Variants in RAB3GAP1 observed in about 807,000 individuals in gnomAD.
RAB3GAP1 encodes the protein rab3 GTPase-activating protein catalytic subunit.
A neutral mutation model predicts 130.7 loss-of-function variants in RAB3GAP1; 86 were observed. The observed-to-expected ratio is 0.66, with a 90% CI of 0.55 to 0.79. The LOEUF is 0.79. RAB3GAP1 is among the 30% of genes least tolerant of loss of function. RAB3GAP1 has a pLI of 0.00. For missense variants in RAB3GAP1, 1,029 were observed against 1,169.4 expected, an observed-to-expected ratio of 0.88 and a Z score of 1.75; for synonymous variants, 367 against 401.7, an observed-to-expected ratio of 0.91 and a Z score of 1.03.
At chr2:135,114,205 A>G (rs1179939608) in intron 6 of RAB3GAP1, among the ~76,000 whole-genome samples, 1 of 152,198 alleles carries the variant, frequency 6.6e-6, no homozygotes, top group Non-Finnish European at 1.5e-5. Context: ...AATTCAATGT[A>G]TATCTGGAAT....
intron 11 of RAB3GAP1, among the ~76,000 whole-genome samples, chr2:135,129,451 C>CA (rs1192375753): frequency 1.4e-3 from 121 of 87,596 alleles, no homozygotes; most frequent in South Asian, 0.011. Flanking sequence ...GACTCTGTCT[C>CA]AAAAAAAAAA....
intron 7 of RAB3GAP1, among the ~76,000 whole-genome samples, chr2:135,116,043 A>T (rs771509559): frequency 2.0e-5 from 3 of 152,150 alleles, no homozygotes; most frequent in Non-Finnish European, 4.4e-5. Flanking sequence ...AGTGGAAGGG[A>T]TCCTCTACTT....
chr2:135,133,034 T>C (rs776334674), intron 14 of RAB3GAP1, 50 bp downstream of exon 14: 5 of 1,076,350 alleles, frequency 4.6e-6, no homozygotes, highest in Non-Finnish European at 7.2e-6. Flanking sequence ...GCACTGAATT[T>C]CTAGAGGTTC....
intron 5 of RAB3GAP1, among the ~76,000 whole-genome samples, chr2:135,097,137 C>T: frequency 6.6e-6 from 1 of 151,580 alleles, no homozygotes; most frequent in Non-Finnish European, 1.5e-5. Context: ...AGTTCTATAA[C>T]ACCCCCTCAC....
chr2:135,100,312 G>A (rs1265227308), intron 5 of RAB3GAP1, among the ~76,000 whole-genome samples: 2 of 152,174 alleles, frequency 1.3e-5, no homozygotes, highest in Non-Finnish European at 2.9e-5. Context: ...AGCAGTAAAA[G>A]GCTTACCCTA....
intron 19 of RAB3GAP1, 100 bp downstream of exon 19, chr2:135,153,976 G>T: frequency 9.0e-7 from 1 of 1,113,792 alleles, no homozygotes; most frequent in Non-Finnish European, 1.3e-6. Context: ...CACACTTGAG[G>T]TGCAAAGCAT....
At chr2:135,082,565 C>T (rs1689857984) in intron 3 of RAB3GAP1, among the ~76,000 whole-genome samples, 1 of 151,864 alleles carries the variant, frequency 6.6e-6, no homozygotes, top group Non-Finnish European at 1.5e-5. Context: ...CTCAGCCTTC[C>T]AAGTTGCTGG....
At chr2:135,174,840 T>G (rs572819767), downstream of RAB3GAP1, among the ~76,000 whole-genome samples, 34 of 152,298 alleles carry the variant, frequency 2.2e-4, no homozygotes, top group South Asian at 6.2e-3. Flanking sequence ...AGTGCGACGG[T>G]GGGAGGCCCA....
intron 5 of RAB3GAP1, among the ~76,000 whole-genome samples, chr2:135,112,160 C>T (rs939133321): frequency 8.5e-5 from 13 of 152,132 alleles, no homozygotes; most frequent in African/African-American, 2.9e-4. Context: ...CTCAGCAGGA[C>T]GCAAGCTTGT....
intron 19 of RAB3GAP1, among the ~76,000 whole-genome samples, chr2:135,154,388 A>G (rs1692253899): frequency 6.6e-6 from 1 of 152,162 alleles, no homozygotes; most frequent in Non-Finnish European, 1.5e-5. Context: ...CTGATATTTA[A>G]TTGCCCTGCA....
At chr2:135,135,154 G>C (rs1175200202) in intron 15 of RAB3GAP1, 111 bp from the exon 16 acceptor site, 4 of 870,234 alleles carry the variant, frequency 4.6e-6, no homozygotes, top group African/African-American at 1.7e-5. Context: ...TGGAAATCTA[G>C]TTTTGATTTC....
At chr2:135,081,327 A>AAAAAATATAT (rs1363481112) in intron 3 of RAB3GAP1, among the ~76,000 whole-genome samples, 12 of 64,048 alleles carry the variant, frequency 1.9e-4, no homozygotes, top group East Asian at 1.1e-3. Flanking sequence ...AAAAAAAAAA[A>AAAAAATATAT]ATATATATAT....
chr2:135,136,814 A>G lies in RAB3GAP1; in HGVS notation c.1923+882A>G, dbSNP rs1380864131. The G allele has an allele frequency of 4.3e-6, 3 of 697,454 alleles. No homozygotes were observed. In the East Asian group the frequency reaches 2.0e-4, roughly 45 times the overall value. 43.2% of individuals were successfully genotyped at this position (697,454 alleles called of 1,614,324 possible). ...TGATAGCCATAAAGGTTGGTCCCAG[A>G]CCAGGCACAATGGCTCAAGCCTGCA... On this transcript the variant is annotated intron_variant, in intron 17 of 23. Coordinates refer to ENST00000264158, the MANE Select transcript of RAB3GAP1 (RefSeq NM_012233.3).
In RAB3GAP1 at chr2:135,052,319, C is replaced by T. The variant is rs760094551; in HGVS notation, c.12C>T (p.Asp4=). 6.2e-7 allele frequency: 1 copy of T among 1,613,982 alleles called. No individual in the cohort carries two copies. Among genetic ancestry groups the T allele is most frequent in the South Asian group, 1.1e-5 (1 of 91,074 alleles). Reference sequence around the variant, plus strand: ...CGGCGCTCCTCAAGATGGCTGCCGACAGTGAGGTGATTTCTTTGCTCCCTA... The same window carrying T: ...CGGCGCTCCTCAAGATGGCTGCCGATAGTGAGGTGATTTCTTTGCTCCCTA... MAA[D]SEPESEVFEI... is the part of the protein sequence containing the mutation. Residue 4 remains aspartate, a synonymous_variant, in exon 1 of 24, where the codon GAC becomes GAT. Coordinates refer to ENST00000264158, the MANE Select transcript of RAB3GAP1 (RefSeq NM_012233.3).
chr2:135,117,943 C>G (rs1305394968), intron 7 of RAB3GAP1, among the ~76,000 whole-genome samples: 1 of 151,982 alleles, frequency 6.6e-6, no homozygotes, highest in Non-Finnish European at 1.5e-5. Context: ...GCCTCGACCT[C>G]CTGGGGTCAC....
chr2:135,153,602 CTG>C (rs762027505), intron 18 of RAB3GAP1, 45 bp from the exon 19 acceptor site: 7 of 1,554,594 alleles, frequency 4.5e-6, no homozygotes, highest in South Asian at 1.1e-5. Flanking sequence ...TTATCAGTAA[CTG>C]TTGATTTTCA....
downstream of RAB3GAP1, among the ~76,000 whole-genome samples, chr2:135,174,946 A>T (rs1692966136): frequency 6.6e-6 from 1 of 152,194 alleles, no homozygotes; most frequent in Non-Finnish European, 1.5e-5. Context: ...GCCCTGTCCC[A>T]GTGGCAAGTG....
intron 17 of RAB3GAP1, among the ~76,000 whole-genome samples, chr2:135,146,971 A>AAC (rs34094441): frequency 0.18 from 27,096 of 147,400 alleles, 3,105 homozygotes; most frequent in South Asian, 0.32. Context: ...AGGGGGTATA[A>AAC]ACACACACAC....
At position 135,132,987 on chromosome 2, in the gene RAB3GAP1, A is replaced by C. The variant is rs1394587368; in HGVS notation, c.1326+3A>C. 2 of 1,502,234 alleles carry C rather than the reference A, an allele frequency of 1.3e-6. No homozygotes were observed. The highest frequency in any genetic ancestry group is 1.9e-6 in the Non-Finnish European group (2 of 1,079,122). 93.1% of individuals were successfully genotyped at this position (1,502,234 alleles called of 1,614,324 possible). ...CTCCATCAGAGAGTGAAGACTATGT[A>C]AGTTGATGTGGAGTTCAATGTTAAA... On this transcript the variant is annotated splice_donor_region_variant and intron_variant, in intron 14 of 23. Coordinates refer to ENST00000264158, the MANE Select transcript of RAB3GAP1 (RefSeq NM_012233.3).
Sources: allele counts gnomAD v4.1 joint callset (sites outside exome capture counted in the v4.1 genomes callset), GRCh38; gene constraint gnomAD v4.1.1; transcripts MANE v1.5; gene names NCBI Gene and HGNC (gene_info 2026-07-23, HGNC 2026-07-21).